Variants in GFRA2 observed in about 807,000 individuals in gnomAD.
The protein encoded by GFRA2 is GDNF family receptor alpha-2.
A neutral mutation model predicts 48.3 loss-of-function variants in GFRA2; 17 were observed. That is an observed-to-expected ratio of 0.35 (90% CI 0.24 to 0.53). The LOEUF (loss-of-function observed/expected upper bound fraction) is 0.53. Ranked by LOEUF, GFRA2 falls within the 20% of genes least tolerant of loss-of-function variation. The pLI is 0.93. For missense variants in GFRA2, 660 were observed against 637.3 expected (o/e 1.04, Z -0.38); for synonymous variants, 305 against 257.2 (o/e 1.19, Z -1.78).
intron 3 of GFRA2, chr8:21,769,068 A>C (rs1192162879): frequency 2.2e-6 from 1 of 455,408 alleles, no homozygotes; most frequent in South Asian, 9.4e-5. Flanking sequence ...CACTTGGTCT[A>C]CATTGCTACT....
intron 4 of GFRA2, among the ~76,000 whole-genome samples, chr8:21,726,241 C>T (rs1803864047): frequency 6.6e-6 from 1 of 152,168 alleles, no homozygotes; most frequent in Non-Finnish European, 1.5e-5. Context: ...TTAAGCTGCA[C>T]CTGTGCATCC....
At chr8:21,758,222 CA>C (rs1470621204) in intron 3 of GFRA2, among the ~76,000 whole-genome samples, 19 of 152,086 alleles carry the variant, frequency 1.2e-4, no homozygotes, top group Admixed American at 5.2e-4. Flanking sequence ...CACACACACA[CA>C]CACACCTCAC....
chr8:21,777,327 T>C (rs6420174), intron 2 of GFRA2, among the ~76,000 whole-genome samples: 1 of 146,914 alleles, frequency 6.8e-6, no homozygotes, highest in Non-Finnish European at 1.5e-5. Context: ...CGGGGTGGTG[T>C]GGGGGCCTGT....
chr8:21,734,383 C>CA (rs1198667818), intron 4 of GFRA2, among the ~76,000 whole-genome samples: 1 of 152,268 alleles, frequency 6.6e-6, no homozygotes, highest in Admixed American at 6.5e-5. Flanking sequence ...ACCCAACATG[C>CA]AGACCTTTCT....
At chr8:21,724,576 A>G (rs894417797) in intron 4 of GFRA2, among the ~76,000 whole-genome samples, 2 of 152,190 alleles carry the variant, frequency 1.3e-5, no homozygotes, top group African/African-American at 2.4e-5. Flanking sequence ...GTAAACCAGG[A>G]GGCAAACTGG....
At chr8:21,792,372 A>G (rs1177481801), upstream of GFRA2, among the ~76,000 whole-genome samples, 2 of 152,192 alleles carry the variant, frequency 1.3e-5, no homozygotes, top group Non-Finnish European at 2.9e-5. Context: ...CATCCAGCTA[A>G]TACTGTCAGG....
At chr8:21,775,181 AG>A in intron 2 of GFRA2, 126 bp from the exon 3 acceptor site, 1 of 641,514 alleles carries the variant, frequency 1.6e-6, no homozygotes, top group Non-Finnish European at 2.9e-6. Context: ...GATAAGAGAC[AG>A]GGCAGCCCTT....
At chr8:21,758,984 A>G (rs1805732974) in intron 3 of GFRA2, among the ~76,000 whole-genome samples, 1 of 152,148 alleles carries the variant, frequency 6.6e-6, no homozygotes, top group Non-Finnish European at 1.5e-5. Flanking sequence ...AAATATTTTC[A>G]TACACCAACT....
intron 1 of GFRA2, among the ~76,000 whole-genome samples, chr8:21,783,956 C>T (rs1807143041): frequency 6.6e-6 from 1 of 152,126 alleles, no homozygotes; most frequent in Non-Finnish European, 1.5e-5. Context: ...TCTGAAACTC[C>T]CTTCCCCTCT....
At chr8:21,727,145 C>T (rs528428626) in intron 4 of GFRA2, among the ~76,000 whole-genome samples, 2 of 152,310 alleles carry the variant, frequency 1.3e-5, no homozygotes, top group South Asian at 2.1e-4. Flanking sequence ...CTCATCATTC[C>T]CCTTCTGTTC....
At chr8:21,758,310 C>T (rs1248810021) in intron 3 of GFRA2, among the ~76,000 whole-genome samples, 1 of 152,132 alleles carries the variant, frequency 6.6e-6, no homozygotes, top group African/African-American at 2.4e-5. Context: ...GCACGCCCTT[C>T]AACTGTTTCA....
In GFRA2 at chr8:21,740,503, C is replaced by T. The variant is rs76871515; in HGVS notation, c.794+10085G>A. Among the ~76,000 whole-genome samples the T allele has an allele frequency of 3.5e-4, 54 of 152,294 alleles. No homozygotes were observed. The East Asian group carries it at 0.01, about 29-fold the overall frequency. ...CTCATCCTTCCAGACCTCTCTACAG[C>T]ATACGGCACGGCTATCCATTCCCTC... On this transcript the variant is annotated intron_variant, in intron 4 of 8. Transcript: ENST00000524240.
intron 4 of GFRA2, among the ~76,000 whole-genome samples, chr8:21,709,755 C>T (rs974860403): frequency 2.0e-5 from 3 of 152,300 alleles, no homozygotes; most frequent in South Asian, 2.1e-4. Context: ...GGGAGCCTTG[C>T]TTCCCTCCCG....
At chr8:21,772,232 G>A (rs1027881362) in intron 3 of GFRA2, among the ~76,000 whole-genome samples, 6 of 152,220 alleles carry the variant, frequency 3.9e-5, no homozygotes, top group South Asian at 4.1e-4. Context: ...CATTGGAACC[G>A]CCTCCCAGCT....
intron 2 of GFRA2, among the ~76,000 whole-genome samples, chr8:21,780,401 T>C (rs891326422): frequency 5.9e-5 from 9 of 152,138 alleles, no homozygotes; most frequent in African/African-American, 2.2e-4. Context: ...GTTTTCCTGC[T>C]GTTCCTCCCA....
intron 1 of GFRA2, among the ~76,000 whole-genome samples, chr8:21,783,770 G>A (rs1018222676): frequency 1.4e-4 from 21 of 150,852 alleles, no homozygotes; most frequent in African/African-American, 5.1e-4. Context: ...CATGCCCCCC[G>A]CGCCCCCTGC....
intron 4 of GFRA2, among the ~76,000 whole-genome samples, chr8:21,728,935 G>C (rs972345302): frequency 6.6e-6 from 1 of 152,236 alleles, no homozygotes; most frequent in Non-Finnish European, 1.5e-5. Flanking sequence ...CTCCTCTGCA[G>C]CCTTGCTGTC....
chr8:21,766,310 C>G (rs1806147976), intron 3 of GFRA2, among the ~76,000 whole-genome samples: 1 of 152,046 alleles, frequency 6.6e-6, no homozygotes, highest in African/African-American at 2.4e-5. Context: ...TCTCACATGT[C>G]TTGTTAATTT....
intron 4 of GFRA2, among the ~76,000 whole-genome samples, chr8:21,714,197 G>A (rs1354948518): frequency 6.9e-6 from 1 of 143,994 alleles, no homozygotes; most frequent in Non-Finnish European, 1.5e-5. Context: ...ATAATATTGG[G>A]GATCCCCAAA....
Sources: allele counts gnomAD v4.1 joint callset (sites outside exome capture counted in the v4.1 genomes callset), GRCh38; gene constraint gnomAD v4.1.1; transcripts MANE v1.5; gene names NCBI Gene and HGNC (gene_info 2026-07-23, HGNC 2026-07-21).